Variants in PRKD1 observed in about 807,000 individuals in gnomAD.
PRKD1 encodes the protein serine/threonine-protein kinase D1.
In PRKD1, 63 loss-of-function variants were observed where a neutral mutation model predicts 95.9. That is an observed-to-expected ratio of 0.66 (90% CI 0.54 to 0.81). PRKD1 has a LOEUF of 0.81. PRKD1 is among the 30% of genes least tolerant of loss of function. The pLI is 0.00. For missense variants in PRKD1, 1,048 were observed against 1,165.3 expected (o/e 0.90, Z 1.47); for synonymous variants, 425 against 423.1 (o/e 1.00, Z -0.05).
intron 13 of PRKD1, among the ~76,000 whole-genome samples, chr14:29,609,714 A>ATTTTTTTTT (rs61293890): frequency 1.5e-5 from 2 of 132,056 alleles, no homozygotes; most frequent in Admixed American, 7.6e-5. Context: ...CTATTTCTTT[A>ATTTTTTTTT]TTTTTTTTTT....
chr14:29,837,453 G>A (rs561963744), intron 1 of PRKD1, among the ~76,000 whole-genome samples: 1 of 152,188 alleles, frequency 6.6e-6, no homozygotes, highest in East Asian at 1.9e-4. Flanking sequence ...ATTTAAAGAA[G>A]CTTACTATTT....
intron 2 of PRKD1, among the ~76,000 whole-genome samples, chr14:29,697,457 C>A (rs1594438124): frequency 6.6e-6 from 1 of 152,234 alleles, no homozygotes; most frequent in East Asian, 1.9e-4. Flanking sequence ...TCCGAATTAC[C>A]ATTTTCTAAA....
intron 3 of PRKD1, 54 bp from the exon 4 acceptor site, chr14:29,663,913 T>C: frequency 6.5e-7 from 1 of 1,544,934 alleles, no homozygotes; most frequent in South Asian, 1.1e-5. Flanking sequence ...AAAAAGTGAT[T>C]CCAATATTAG....
chr14:29,869,044 A>T (rs935164404), intron 1 of PRKD1, among the ~76,000 whole-genome samples: 2 of 152,194 alleles, frequency 1.3e-5, no homozygotes, highest in African/African-American at 4.8e-5. Context: ...AGCAAAACAT[A>T]ATCCTAAATT....
At chr14:29,911,437 A>C (rs754196354) in intron 1 of PRKD1, among the ~76,000 whole-genome samples, 1 of 152,208 alleles carries the variant, frequency 6.6e-6, no homozygotes, top group Non-Finnish European at 1.5e-5. Context: ...TATAAAACCA[A>C]TGTACATATC....
At chr14:29,720,255 C>T (rs1179716595) in intron 2 of PRKD1, among the ~76,000 whole-genome samples, 1 of 152,078 alleles carries the variant, frequency 6.6e-6, no homozygotes, top group Non-Finnish European at 1.5e-5. Context: ...CCCCATTTTA[C>T]AGATGAGGAA....
At chr14:29,661,217 T>G (rs1351778628) in intron 4 of PRKD1, among the ~76,000 whole-genome samples, 2 of 152,210 alleles carry the variant, frequency 1.3e-5, no homozygotes, top group African/African-American at 4.8e-5. Context: ...AAAATATAAC[T>G]TTCTCATATT....
intron 4 of PRKD1, chr14:29,658,060 G>T (rs1343368579): frequency 6.6e-6 from 1 of 152,174 alleles, no homozygotes; most frequent in Non-Finnish European, 1.5e-5. Flanking sequence ...AAATGGCAAA[G>T]TTAGCTCTTT....
chr14:29,816,081 C>T (rs919340704), intron 1 of PRKD1, among the ~76,000 whole-genome samples: 1 of 151,914 alleles, frequency 6.6e-6, no homozygotes, highest in African/African-American at 2.4e-5. Flanking sequence ...AGCTGGGTGT[C>T]GTGGCACATG....
intron 2 of PRKD1, among the ~76,000 whole-genome samples, chr14:29,710,971 C>T (rs1464876652): frequency 6.6e-6 from 1 of 151,856 alleles, no homozygotes; most frequent in Non-Finnish European, 1.5e-5. Flanking sequence ...TCCAGGAGAC[C>T]AAGAATAGAT....
intron 1 of PRKD1, among the ~76,000 whole-genome samples, chr14:29,840,955 G>GAA (rs1057185632): frequency 7.7e-4 from 117 of 152,280 alleles, no homozygotes; most frequent in African/African-American, 2.6e-3. Flanking sequence ...AAGACCACAG[G>GAA]AACCCACCTC....
chr14:29,820,350 G>A (rs1890863983), intron 1 of PRKD1, among the ~76,000 whole-genome samples: 1 of 152,208 alleles, frequency 6.6e-6, no homozygotes, highest in Non-Finnish European at 1.5e-5. Flanking sequence ...CATACATTCT[G>A]TAATTAAAAT....
intron 8 of PRKD1, 137 bp downstream of exon 8, chr14:29,634,281 C>T (rs1880217608): frequency 2.3e-6 from 3 of 1,328,856 alleles, no homozygotes; most frequent in South Asian, 1.3e-5. Flanking sequence ...TGTAATGCAC[C>T]TTACCTAATC....
At chr14:29,608,342 A>G (rs978263605) in intron 13 of PRKD1, among the ~76,000 whole-genome samples, 1 of 152,174 alleles carries the variant, frequency 6.6e-6, no homozygotes, top group African/African-American at 2.4e-5. Context: ...AATGAAAAAT[A>G]AACTTTCAGA....
rs1230961629 is a variant in PRKD1 at position 29,648,778 on chromosome 14, C to T, written c.697-9874G>A. On this transcript the variant is annotated intron_variant, in intron 4 of 17. Coordinates refer to ENST00000331968, the MANE Select transcript of PRKD1 (RefSeq NM_002742.3). Reference sequence around the variant, plus strand: ...CATGCCATTCTCCTACCTCAGCCTCCTGAGTAGCTGGGACTACAGGCACTC... The same window carrying T: ...CATGCCATTCTCCTACCTCAGCCTCTTGAGTAGCTGGGACTACAGGCACTC... Among the ~76,000 whole-genome samples the T allele has an allele frequency of 5.3e-5, 8 of 152,260 alleles. No individual in the cohort carries two copies. In the East Asian group the frequency reaches 1.6e-3, roughly 30 times the overall value.
chr14:29,658,031 A>C (rs760746412), intron 4 of PRKD1: 3 of 152,240 alleles, frequency 2.0e-5, no homozygotes, highest in Admixed American at 6.5e-5. Flanking sequence ...AGGTACTCTT[A>C]GGGCACATTT....
Position 29,630,855 on chromosome 14 carries a change from A to G in PRKD1, c.1559T>C (p.Leu520Pro). Reference protein sequence around the residue: ...PSSPSPNNSVLTSGVGADVAR... With the variant: ...PSSPSPNNSVPTSGVGADVAR... ...CACATCTGCACCAACGCCACTGGTG[A>G]GAACACTGTTATTTGGTGATGGGCT... Residue 520 changes from leucine (L) to proline (P), a missense_variant, in exon 10 of 18, where the codon CTC becomes CCC. Around this residue, in one of 3 missense-constraint regions of PRKD1, gnomAD observed 739 missense variants for 861.9 expected, o/e 0.86. Transcript: ENST00000331968. 1.2e-6 allele frequency: 2 copies of G among 1,614,134 alleles called. No individual in the cohort carries two copies. The highest frequency in any genetic ancestry group is 1.7e-6 in the Non-Finnish European group (2 of 1,180,000).
At chr14:29,646,817 G>A (rs146302290) in intron 4 of PRKD1, among the ~76,000 whole-genome samples, 1 of 151,018 alleles carries the variant, frequency 6.6e-6, no homozygotes, top group East Asian at 1.9e-4. Context: ...CTCTCACACA[G>A]GAGTGGGGAT....
intron 1 of PRKD1, among the ~76,000 whole-genome samples, chr14:29,900,635 A>T (rs936062276): frequency 6.6e-6 from 1 of 152,206 alleles, no homozygotes; most frequent in Non-Finnish European, 1.5e-5. Context: ...TAAATCAACA[A>T]GCAAAAAAAC....
Sources: gnomAD v4.1 joint callset for allele counts (sites outside exome capture counted in the v4.1 genomes callset) on GRCh38, gnomAD v4.1.1 for gene constraint, gnomAD v4.1.1 regional missense constraint, MANE v1.5 for transcripts, NCBI Gene and HGNC (gene_info 2026-07-23, HGNC 2026-07-21) for gene names.